The following ALOX5AP variants were observed in gnomAD, a reference collection of about 807,000 sequenced individuals.
ALOX5AP encodes the protein arachidonate 5-lipoxygenase activating protein, also known as arachidonate 5-lipoxygenase-activating protein.
Under a neutral mutation model 18.5 loss-of-function variants are expected in ALOX5AP, and 9 were observed. The observed-to-expected ratio is 0.49, with a 90% CI of 0.29 to 0.85. The LOEUF is 0.85. Among genes scored for constraint, ALOX5AP ranks in the 40% least tolerant of loss-of-function variants. ALOX5AP has a pLI of 0.08. For synonymous variants in ALOX5AP, 81 were observed against 78.6 expected, an observed-to-expected ratio of 1.03 and a Z score of -0.16; for missense variants, 172 against 202.5, an observed-to-expected ratio of 0.85 and a Z score of 0.91.
At chr13:30,742,113 C>T (rs972076851) in intron 1 of ALOX5AP, among the ~76,000 whole-genome samples, 3 of 151,876 alleles carry the variant, frequency 2.0e-5, no homozygotes, top group African/African-American at 4.8e-5. Flanking sequence ...GTCAGGAGTT[C>T]GAGACCAGCC....
At chr13:30,738,950 T>G (rs1951741327) in intron 1 of ALOX5AP, among the ~76,000 whole-genome samples, 1 of 150,972 alleles carries the variant, frequency 6.6e-6, no homozygotes, top group Non-Finnish European at 1.5e-5. Context: ...ACACACACAC[T>G]CACAAGAAAC....
At chr13:30,760,069 T>C (rs1290648296) in intron 4 of ALOX5AP, among the ~76,000 whole-genome samples, 1 of 152,186 alleles carries the variant, frequency 6.6e-6, no homozygotes, top group East Asian at 1.9e-4. Context: ...TATTGGAGAT[T>C]TGTGGGTGGG....
At chr13:30,732,146 T>G (rs1593431653), upstream of ALOX5AP, among the ~76,000 whole-genome samples, 1 of 152,098 alleles carries the variant, frequency 6.6e-6, no homozygotes, top group Non-Finnish European at 1.5e-5. Flanking sequence ...TGGCTGGGGG[T>G]GACTCCAAGG....
intron 1 of ALOX5AP, among the ~76,000 whole-genome samples, chr13:30,742,859 G>GCCCC (rs11316477): frequency 1.9e-5 from 2 of 105,972 alleles, no homozygotes; most frequent in African/African-American, 3.8e-5. Context: ...GACCTTCACC[G>GCCCC]CCCCCCCCCC....
intron 2 of ALOX5AP, among the ~76,000 whole-genome samples, chr13:30,748,078 C>T (rs1951823382): frequency 6.6e-6 from 1 of 152,028 alleles, no homozygotes; most frequent in South Asian, 2.1e-4. Flanking sequence ...ACCACCATGT[C>T]CGGCTAATTT....
chr13:30,731,769 G>A (rs1951683257), upstream of ALOX5AP, among the ~76,000 whole-genome samples: 1 of 152,230 alleles, frequency 6.6e-6, no homozygotes, highest in South Asian at 2.1e-4. Flanking sequence ...GGGCAAATGT[G>A]AGGCTCTGGG....
At chr13:30,741,648 A>G (rs1951766454) in intron 1 of ALOX5AP, among the ~76,000 whole-genome samples, 1 of 148,122 alleles carries the variant, frequency 6.8e-6, no homozygotes, top group African/African-American at 2.5e-5. Flanking sequence ...ACCTCAGGTG[A>G]TCTACCCGCT....
At chr13:30,748,606 A>T (rs533983171) in intron 2 of ALOX5AP, among the ~76,000 whole-genome samples, 1 of 152,362 alleles carries the variant, frequency 6.6e-6, no homozygotes, top group Non-Finnish European at 1.5e-5. Flanking sequence ...CTCAAAAGAA[A>T]ATCCAGAATA....
chr13:30,738,418 T>C (rs1428314188), intron 1 of ALOX5AP, among the ~76,000 whole-genome samples: 1 of 152,152 alleles, frequency 6.6e-6, no homozygotes, highest in East Asian at 1.9e-4. Context: ...ATATAGCAAA[T>C]GGGCTCATTG....
At chr13:30,746,971 C>T (rs1951814568) in intron 2 of ALOX5AP, among the ~76,000 whole-genome samples, 1 of 152,140 alleles carries the variant, frequency 6.6e-6, no homozygotes, top group African/African-American at 2.4e-5. Context: ...TAGCATAAAA[C>T]ACAACTGCTG....
At chr13:30,731,180 A>AG (rs377621584), upstream of ALOX5AP, among the ~76,000 whole-genome samples, 128 of 152,232 alleles carry the variant, frequency 8.4e-4, 2 homozygotes, top group African/African-American at 2.9e-3. Flanking sequence ...TTCAGGGCTG[A>AG]GGGGCCATTG....
chr13:30,764,044 G>C lies in ALOX5AP; in HGVS notation c.424G>C (p.Asp142His). Residue 142 changes from aspartate (D) to histidine (H), a missense_variant, in exon 5 of 5, where the codon GAC (aspartate) becomes CAC (histidine). Transcript: ENST00000380490. ...TTACCTCATCTTCTTTTTCGGAAGT[G>C]ACTTTGAAAACTACATAAAGACGAT... is the stretch of plus-strand genomic sequence containing the variant. The part of the protein sequence containing the change: ...NYYLIFFFGS[D>H]FENYIKTIST... 6.2e-7 allele frequency: 1 copy of C among 1,614,050 alleles called. No individual in the cohort carries two copies. Among genetic ancestry groups the C allele is most frequent in the Non-Finnish European group, 8.5e-7 (1 of 1,179,986 alleles).
rs1026996724 is a variant in ALOX5AP, at chr13:30,713,945, C to G, written c.116+104C>G. Reference sequence around the variant, plus strand: ...GGCCATGTTCGGTGGTTTTTAAGAACCGAGGCTCCCAGAAGCAGTATTGGG... The same window carrying G: ...GGCCATGTTCGGTGGTTTTTAAGAAGCGAGGCTCCCAGAAGCAGTATTGGG... On this transcript the variant is annotated intron_variant, in intron 1 of 5. Transcript: ENST00000617770. The G allele has an allele frequency of 3.9e-6, 5 of 1,296,424 alleles. No individual in the cohort carries two copies. The African/African-American group carries it at 7.4e-5, about 19-fold the overall frequency. The allele number at this position is 1,296,424 out of a possible 1,614,324, so 80.3% of individuals were successfully genotyped here.
intron 1 of ALOX5AP, among the ~76,000 whole-genome samples, chr13:30,724,459 AACTTAGGCCTTAAGACACAACTCTGCC>A (rs950239680): frequency 2.0e-5 from 3 of 152,186 alleles, no homozygotes; most frequent in Non-Finnish European, 2.9e-5. Context: ...GCTGCTGGGC[AACTTAGGCCTTAAGACACAACTCTGCC>A]ACTTAGGCCT....
chr13:30,722,208 A>T (rs1951599684), intron 1 of ALOX5AP, among the ~76,000 whole-genome samples: 1 of 152,198 alleles, frequency 6.6e-6, no homozygotes, highest in Non-Finnish European at 1.5e-5. Context: ...GCTTCCTAAA[A>T]TGCGGTGCAG....
chr13:30,716,809 A>G (rs1002083556), intron 1 of ALOX5AP, among the ~76,000 whole-genome samples: 1 of 152,216 alleles, frequency 6.6e-6, no homozygotes, highest in Non-Finnish European at 1.5e-5. Context: ...TGTTATACTC[A>G]TGGTTGTGAT....
intron 2 of ALOX5AP, 66 bp from the exon 3 acceptor site, chr13:30,751,986 A>G: frequency 6.9e-7 from 1 of 1,456,020 alleles, no homozygotes; most frequent in East Asian, 2.3e-5. Flanking sequence ...CTTTCAGGTA[A>G]TTTTCAGACC....
intron 3 of ALOX5AP, among the ~76,000 whole-genome samples, chr13:30,753,057 G>A (rs546669718): frequency 2.0e-5 from 3 of 152,348 alleles, no homozygotes; most frequent in Non-Finnish European, 4.4e-5. Flanking sequence ...TAGATATACA[G>A]TGATAAATAA....
In ALOX5AP at chr13:30,718,761, A is replaced by G. The variant is rs116222282; in HGVS notation, c.116+4920A>G. Among the ~76,000 whole-genome samples, 661 of 152,324 alleles carry G rather than the reference A, an allele frequency of 4.3e-3. 7 individuals are homozygous for G. Among genetic ancestry groups the G allele is most frequent in the African/African-American group, 0.015 (635 of 41,570 alleles). ...CAGGGTCGCCCTAGCTGCCCAATGC[A>G]GCTCCCAGGCCTCCTGTAAAACCTT... On this transcript the variant is annotated intron_variant, in intron 1 of 5. Coordinates refer to the ALOX5AP transcript ENST00000617770.
Sources: gnomAD v4.1 joint callset for allele counts (sites outside exome capture counted in the v4.1 genomes callset) on GRCh38, gnomAD v4.1.1 for gene constraint, MANE v1.5 for transcripts, NCBI Gene and HGNC (gene_info 2026-07-23, HGNC 2026-07-21) for gene names.